The following ZBTB8OS variants were observed in gnomAD, a reference collection of about 807,000 sequenced individuals.
ZBTB8OS encodes tRNA-splicing ligase-activating factor archease.
ZBTB8OS carries 16 observed loss-of-function variants against 29.3 expected under a neutral mutation model. That is an observed-to-expected ratio of 0.55 (90% CI 0.37 to 0.83). ZBTB8OS has a LOEUF of 0.83. ZBTB8OS is among the 40% of genes least tolerant of loss of function. ZBTB8OS has a pLI of 0.00. For missense variants in ZBTB8OS, 160 were observed against 196.9 expected, an observed-to-expected ratio of 0.81 and a Z score of 1.12; for synonymous variants, 70 against 64.6, an observed-to-expected ratio of 1.08 and a Z score of -0.40.
rs1260621267 is a variant in ZBTB8OS at position 32,621,766 on chromosome 1, C to G, written c.*96G>C. 4.6e-6 allele frequency: 4 copies of G among 875,446 alleles called. No individual in the cohort carries two copies. The highest frequency in any genetic ancestry group is 7.1e-6 in the Non-Finnish European group (4 of 561,166). The allele number at this position is 875,446 out of a possible 1,614,324, so 54.2% of individuals were successfully genotyped here. A position where few individuals can be genotyped will look rare whatever the true frequency, so the allele number is the denominator to read the frequency against. ...TTCTGTTCTACAAATTTCCATATAT[C>G]AAAAAAAAGCTGTAGAATTTAATTC... is the stretch of plus-strand genomic sequence containing the variant. On this transcript the variant is annotated 3_prime_UTR_variant, in exon 7 of 7. Transcript: ENST00000468695.
intron 6 of ZBTB8OS, among the ~76,000 whole-genome samples, chr1:32,626,075 G>A (rs786694): frequency 2.0e-5 from 3 of 152,204 alleles, no homozygotes; most frequent in Admixed American, 6.5e-5. Flanking sequence ...GTTTCACCAC[G>A]TTGGCCGGGC....
At position 32,621,412 on chromosome 1, in the gene ZBTB8OS, A is replaced by C. The variant is rs1644749373; in HGVS notation, c.*450T>G. ...AGACTCCGTCTCAAAAAAAAAAAAA[A>C]AAAAGAAACAAAATATATGTCTTAA... On this transcript the variant is annotated 3_prime_UTR_variant, in exon 7 of 7. Coordinates refer to ENST00000468695, the MANE Select transcript of ZBTB8OS (RefSeq NM_178547.5). 6.5e-6 allele frequency: 1 copy of C among 153,692 alleles called. No individual in the cohort carries two copies. Among genetic ancestry groups the C allele is most frequent in the South Asian group, 2.0e-4 (1 of 4,922 alleles). 9.5% of individuals were successfully genotyped at this position (153,692 alleles called of 1,614,324 possible).
chr1:32,634,022 A>G lies in ZBTB8OS; in HGVS notation c.173T>C (p.Met58Thr). The change falls in exon 3 of 7, where the codon ATG becomes ACG. Residue 58 changes from methionine (M) to threonine (T), a missense_variant. Coordinates refer to ENST00000468695, the MANE Select transcript of ZBTB8OS (RefSeq NM_178547.5). ...ATCTGTCATGTAACCAAACATGGCC[A>G]TTGCACATTGCTCAAATGCTTCCTC... Reference protein sequence around the residue: ...TLEEAFEQCAMAMFGYMTDTG... With the variant: ...TLEEAFEQCATAMFGYMTDTG... The G allele has an allele frequency of 2.5e-6, 4 of 1,602,570 alleles. No individual in the cohort carries two copies. Among genetic ancestry groups the G allele is most frequent in the Non-Finnish European group, 3.4e-6 (4 of 1,177,458 alleles).
intron 1 of ZBTB8OS, 112 bp from the exon 2 acceptor site, chr1:32,634,904 A>G (rs1645839136): frequency 1.2e-6 from 1 of 816,662 alleles, no homozygotes; most frequent in East Asian, 2.4e-5. Context: ...AAAGAGCAAG[A>G]AAATGTGGGC....
chr1:32,629,137 G>A (rs1273684994), intron 5 of ZBTB8OS, among the ~76,000 whole-genome samples: 1 of 151,846 alleles, frequency 6.6e-6, no homozygotes, highest in African/African-American at 2.4e-5. Flanking sequence ...TAGGCTGGGT[G>A]CGGTGGCTCA....
intron 5 of ZBTB8OS, among the ~76,000 whole-genome samples, chr1:32,630,151 A>T (rs993953761): frequency 2.0e-5 from 3 of 152,232 alleles, no homozygotes; most frequent in Non-Finnish European, 4.4e-5. Context: ...AAGTGAATGA[A>T]ATTCAATATA....
chr1:32,650,580 C>T (rs759317968), upstream of ZBTB8OS: 24 of 1,613,774 alleles, frequency 1.5e-5, no homozygotes, highest in Non-Finnish European at 1.7e-5. Flanking sequence ...CGGACTTCGG[C>T]CCGGAGTTAC....
At chr1:32,643,903 T>C (rs1252073721) in intron 1 of ZBTB8OS, among the ~76,000 whole-genome samples, 1 of 151,966 alleles carries the variant, frequency 6.6e-6, no homozygotes, top group Non-Finnish European at 1.5e-5. Context: ...CCTTCCACCT[T>C]GGCCTTGTTG....
At chr1:32,649,700 C>T in intron 1 of ZBTB8OS, among the ~76,000 whole-genome samples, 1 of 147,768 alleles carries the variant, frequency 6.8e-6, no homozygotes. Context: ...GAGTTTCGCT[C>T]GTTGCCCAGG....
chr1:32,645,877 T>G (rs1646789406), intron 1 of ZBTB8OS, among the ~76,000 whole-genome samples: 1 of 152,132 alleles, frequency 6.6e-6, no homozygotes, highest in East Asian at 1.9e-4. Context: ...AGTTTTGACA[T>G]CACAGACCCT....
rs2148382230 is a variant in ZBTB8OS, at chr1:32,634,794, T to C, written c.98-2A>G. 6.2e-7 allele frequency: 1 copy of C among 1,610,210 alleles called. No homozygotes were observed. The stretch of plus-strand genomic sequence containing the variant: ...GGACATCTGCTGTATGATCCAAATC[T>C]GAGGGACAGAGGGAAAAACACTTAT... On this transcript the variant is annotated splice_acceptor_variant, in intron 1 of 6. Coordinates refer to ENST00000468695, the MANE Select transcript of ZBTB8OS (RefSeq NM_178547.5). LOFTEE classifies it high-confidence loss of function.
chr1:32,648,170 T>G (rs1646998340), intron 1 of ZBTB8OS, among the ~76,000 whole-genome samples: 1 of 152,230 alleles, frequency 6.6e-6, no homozygotes, highest in Non-Finnish European at 1.5e-5. Flanking sequence ...ATACAGTAAG[T>G]ATACTTTACA....
At chr1:32,634,877 T>C in intron 1 of ZBTB8OS, 85 bp from the exon 2 acceptor site, 1 of 936,416 alleles carries the variant, frequency 1.1e-6, no homozygotes, top group Non-Finnish European at 1.8e-6. Context: ...TCCATTATTA[T>C]TAGGAATATC....
At chr1:32,631,346 C>A (rs1243759678) in intron 5 of ZBTB8OS, among the ~76,000 whole-genome samples, 5 of 146,502 alleles carry the variant, frequency 3.4e-5, no homozygotes, top group South Asian at 4.3e-4. Flanking sequence ...CAGAACAAGA[C>A]CCTGTATCAA....
At chr1:32,634,909 G>A in intron 1 of ZBTB8OS, 117 bp from the exon 2 acceptor site, 2 of 796,336 alleles carry the variant, frequency 2.5e-6, no homozygotes, top group Non-Finnish European at 4.5e-6. Flanking sequence ...GCAAGAAAAT[G>A]TGGGCCAGTC....
intron 1 of ZBTB8OS, among the ~76,000 whole-genome samples, 176 bp from the exon 2 acceptor site, chr1:32,634,968 C>T (rs7527303): frequency 0.027 from 4,054 of 151,694 alleles, 180 homozygotes; most frequent in African/African-American, 0.092. Flanking sequence ...AATTGCTTTG[C>T]TTTGTTGGAA....
At chr1:32,622,286 A>G (rs1343547330) in intron 6 of ZBTB8OS, among the ~76,000 whole-genome samples, 1 of 152,204 alleles carries the variant, frequency 6.6e-6, no homozygotes, top group Non-Finnish European at 1.5e-5. Flanking sequence ...TGTTCACTGC[A>G]GCACTATTCA....
chr1:32,621,797 G>T lies in ZBTB8OS; in HGVS notation c.*65C>A. On this transcript the variant is annotated 3_prime_UTR_variant, in exon 7 of 7. Coordinates refer to ENST00000468695, the MANE Select transcript of ZBTB8OS (RefSeq NM_178547.5). ...AAAGCTGTAGAATTTAATTCATAGTGTCTTCTCAAAAGGAAGAGGAAAACA... is the reference window on the plus strand; with the variant it reads ...AAAGCTGTAGAATTTAATTCATAGTTTCTTCTCAAAAGGAAGAGGAAAACA... The T allele has an allele frequency of 9.2e-7, 1 of 1,086,428 alleles. No individual in the cohort carries two copies. The highest frequency in any genetic ancestry group is 1.4e-6 in the Non-Finnish European group (1 of 733,232). The allele number at this position is 1,086,428 out of a possible 1,614,324, so 67.3% of individuals were successfully genotyped here. A position where few individuals can be genotyped will look rare whatever the true frequency, so the allele number is the denominator to read the frequency against.
At chr1:32,643,309 G>A (rs1408030084) in intron 1 of ZBTB8OS, among the ~76,000 whole-genome samples, 4 of 151,858 alleles carry the variant, frequency 2.6e-5, no homozygotes, top group Admixed American at 2.6e-4. Flanking sequence ...CCGACCTCAG[G>A]TGATTCACCC....
Sources: allele counts gnomAD v4.1 joint callset (sites outside exome capture counted in the v4.1 genomes callset), GRCh38; gene constraint gnomAD v4.1.1; transcripts MANE v1.5; gene names NCBI Gene and HGNC (gene_info 2026-07-23, HGNC 2026-07-21).